The following KCNJ10 variants were observed in gnomAD, a reference collection of about 807,000 sequenced individuals.
The protein encoded by KCNJ10 is potassium inwardly rectifying channel subfamily J member 10, also known as ATP-sensitive inward rectifier potassium channel 10.
In KCNJ10, 9 loss-of-function variants were observed where a neutral mutation model predicts 22.2. The ratio of observed to expected loss-of-function variants is 0.40; its 90% CI spans 0.24 to 0.71. The LOEUF is 0.71. Among genes scored for constraint, KCNJ10 ranks in the 30% least tolerant of loss-of-function variants. KCNJ10 has a pLI of 0.35. For missense variants in KCNJ10, 337 were observed against 482.7 expected, an observed-to-expected ratio of 0.70 and a Z score of 2.83; for synonymous variants, 184 against 187.3, an observed-to-expected ratio of 0.98 and a Z score of 0.15.
intron 1 of KCNJ10, among the ~76,000 whole-genome samples, chr1:160,060,805 C>T (rs1011757209): frequency 1.3e-4 from 20 of 152,128 alleles, no homozygotes; most frequent in African/African-American, 3.9e-4. Flanking sequence ...TACAGATCCT[C>T]GTGCAGACGT....
Position 160,042,041 on chromosome 1 carries a change from G to T in KCNJ10, c.492C>A (p.Thr164=). ...TTILEIFITG[T]FLAKIARPKK... is the part of the protein sequence containing the mutation. ...TGGGCCGGGCAATCTTCGCCAGGAAGGTACCTGTGATGAAGATTTCCAGGA... is the reference window on the plus strand; with the variant it reads ...TGGGCCGGGCAATCTTCGCCAGGAATGTACCTGTGATGAAGATTTCCAGGA... The change falls in exon 2 of 2, where the codon ACC becomes ACA. Residue 164 remains threonine (T), a synonymous_variant. Coordinates refer to ENST00000644903, the MANE Select transcript of KCNJ10 (RefSeq NM_002241.5). The T allele has an allele frequency of 6.4e-7, 1 of 1,559,580 alleles. No homozygotes were observed. Among genetic ancestry groups the T allele is most frequent in the Non-Finnish European group, 8.7e-7 (1 of 1,152,042 alleles).
intron 1 of KCNJ10, among the ~76,000 whole-genome samples, chr1:160,058,865 ACT>A (rs1272928125): frequency 6.6e-6 from 1 of 151,738 alleles, no homozygotes; most frequent in Non-Finnish European, 1.5e-5. Context: ...TCCATGGAAC[ACT>A]CTTCCTTTCC....
In KCNJ10 at chr1:160,040,246, A is replaced by G. The variant is rs1034136728; in HGVS notation, c.*1147T>C. The stretch of plus-strand genomic sequence containing the variant: ...CCCAAACCTTAACAAAGCATCACCA[A>G]TTCTCAGAGGCTCTGTACAGCAGTT... On this transcript the variant is annotated 3_prime_UTR_variant, in exon 2 of 2. Transcript: ENST00000644903. 3.1e-6 allele frequency: 1 copy of G among 318,766 alleles called. No homozygotes were observed. The highest frequency in any genetic ancestry group is 5.7e-6 in the Non-Finnish European group (1 of 176,020). The allele number at this position is 318,766 out of a possible 1,614,324, so 19.7% of individuals were successfully genotyped here.
intron 1 of KCNJ10, among the ~76,000 whole-genome samples, chr1:160,053,831 A>G (rs1648960334): frequency 6.6e-6 from 1 of 152,178 alleles, no homozygotes; most frequent in Non-Finnish European, 1.5e-5. Context: ...AAAGCCTTCA[A>G]AGCATTTCCT....
chr1:160,055,073 C>T (rs952732968), intron 1 of KCNJ10, among the ~76,000 whole-genome samples: 4 of 152,198 alleles, frequency 2.6e-5, no homozygotes, highest in African/African-American at 9.7e-5. Context: ...GCCCCTTCCC[C>T]GACTCCAGCT....
At chr1:160,057,882 T>G (rs956882969) in intron 1 of KCNJ10, among the ~76,000 whole-genome samples, 1 of 151,822 alleles carries the variant, frequency 6.6e-6, no homozygotes, top group African/African-American at 2.4e-5. Flanking sequence ...TGGCTGGAAA[T>G]GAGGGGAGGC....
intron 1 of KCNJ10, among the ~76,000 whole-genome samples, chr1:160,046,829 G>C (rs771591673): frequency 6.6e-6 from 1 of 152,126 alleles, no homozygotes; most frequent in African/African-American, 2.4e-5. Context: ...CCACCACCCC[G>C]GGGCACCCCC....
intron 1 of KCNJ10, among the ~76,000 whole-genome samples, chr1:160,069,150 A>G (rs1228899748): frequency 6.6e-6 from 1 of 152,210 alleles, no homozygotes; most frequent in Non-Finnish European, 1.5e-5. Flanking sequence ...TTAAACTTCA[A>G]GACACCAGAA....
chr1:160,041,280 G>A lies in KCNJ10; in HGVS notation c.*113C>T. The stretch of plus-strand genomic sequence containing the variant: ...ACAGGCCACTGGGTTAAAGAAGAGG[G>A]AGTGGAGGATGGGTGCTTCGGGGGA... On this transcript the variant is annotated 3_prime_UTR_variant, in exon 2 of 2. Transcript: ENST00000644903. This position sits in a 1 kb window ranked among gnomAD's most constrained non-coding sequence, Gnocchi z 4.4. 9.3e-7 allele frequency: 1 copy of A among 1,078,086 alleles called. No homozygotes were observed. Among genetic ancestry groups the A allele is most frequent in the Non-Finnish European group, 1.4e-6 (1 of 726,562 alleles). 66.8% of individuals were successfully genotyped at this position (1,078,086 alleles called of 1,614,324 possible).
Position 160,042,546 on chromosome 1 carries a change from G to A in KCNJ10, c.1-14C>T. 4 of 1,612,640 alleles carry A rather than the reference G, an allele frequency of 2.5e-6. No individual in the cohort carries two copies. The highest frequency in any genetic ancestry group is 3.4e-6 in the Non-Finnish European group (4 of 1,179,252). On this transcript the variant is annotated splice_polypyrimidine_tract_variant and intron_variant, in intron 1 of 1. Coordinates refer to ENST00000644903, the MANE Select transcript of KCNJ10 (RefSeq NM_002241.5). ...AACTGACGTCATCTGGAGGGAGCAA[G>A]ACAGCATAATGGAGGTTATCGTAGA...
At chr1:160,046,012 G>A (rs759063137) in intron 1 of KCNJ10, among the ~76,000 whole-genome samples, 4 of 152,196 alleles carry the variant, frequency 2.6e-5, no homozygotes, top group Non-Finnish European at 5.9e-5. Flanking sequence ...AGCTTTGGAT[G>A]GGAGATTGAA....
At chr1:160,061,712 G>A (rs888493980) in intron 1 of KCNJ10, among the ~76,000 whole-genome samples, 8 of 145,538 alleles carry the variant, frequency 5.5e-5, no homozygotes, top group African/African-American at 2.0e-4. Context: ...GAGGGACATG[G>A]TGCTGAGATG....
Position 160,040,244 on chromosome 1 carries a change from C to T in KCNJ10, c.*1149G>A. On this transcript the variant is annotated 3_prime_UTR_variant, in exon 2 of 2. Coordinates refer to ENST00000644903, the MANE Select transcript of KCNJ10 (RefSeq NM_002241.5). ...TGCCCAAACCTTAACAAAGCATCAC[C>T]AATTCTCAGAGGCTCTGTACAGCAG... 3.2e-6 allele frequency: 1 copy of T among 315,082 alleles called. No homozygotes were observed. The highest frequency in any genetic ancestry group is 5.8e-6 in the Non-Finnish European group (1 of 173,690). 19.5% of individuals were successfully genotyped at this position (315,082 alleles called of 1,614,324 possible).
intron 1 of KCNJ10, among the ~76,000 whole-genome samples, chr1:160,055,056 C>T (rs761220591): frequency 6.6e-6 from 1 of 152,204 alleles, no homozygotes; most frequent in Admixed American, 6.5e-5. Flanking sequence ...TGTCTCATAA[C>T]CTCACAGCCC....
In KCNJ10 at chr1:160,039,937, C is replaced by G. The variant is rs923859096; in HGVS notation, c.*1456G>C. ...ATATGCCCTTCCCTGACCCTTACCACAGACCCCACCAGGGAACAAGGAATA... is the reference window on the plus strand; with the variant it reads ...ATATGCCCTTCCCTGACCCTTACCAGAGACCCCACCAGGGAACAAGGAATA... On this transcript the variant is annotated 3_prime_UTR_variant, in exon 2 of 2. Transcript: ENST00000644903. 3.3e-5 allele frequency: 5 copies of G among 152,246 alleles called. No homozygotes were observed. The highest frequency in any genetic ancestry group is 1.2e-4 in the African/African-American group (5 of 41,450). The allele number at this position is 152,246 out of a possible 1,614,324, so 9.4% of individuals were successfully genotyped here.
At position 160,049,491 on chromosome 1, in the gene KCNJ10, C is replaced by T. The variant is rs1047751813; in HGVS notation, c.1-6959G>A. Among the ~76,000 whole-genome samples, 11 of 151,556 alleles carry T rather than the reference C, an allele frequency of 7.3e-5. 1 individual carries two copies. The Middle Eastern group carries it at 0.01, about 141-fold the overall frequency. ...TCTTTCAGAGTCCAGTTCAAATAAC[C>T]CCTCTTCCATGAAGCCTTCTCTGAT... On this transcript the variant is annotated intron_variant, in intron 1 of 1. Transcript: ENST00000644903.
chr1:160,061,782 G>T, intron 1 of KCNJ10, among the ~76,000 whole-genome samples: 1 of 151,086 alleles, frequency 6.6e-6, no homozygotes, highest in Non-Finnish European at 1.5e-5. Flanking sequence ...GAGGGTGGGT[G>T]TGCAGGTGCA....
At position 160,041,819 on chromosome 1, in the gene KCNJ10, G is replaced by A; in HGVS notation, c.714C>T (p.Phe238=). The A allele has an allele frequency of 6.2e-7, 1 of 1,614,206 alleles. No homozygotes were observed. The highest frequency in any genetic ancestry group is 1.1e-5 in the South Asian group (1 of 91,084). ...GGCTGTCAGAGGCTGTGTCTACTTG[G>A]AAAGTCACATTGACCTGGTTGAGCC... ...NIRLNQVNVT[F]QVDTASDSPF... Residue 238 remains phenylalanine (F), a synonymous_variant, in exon 2 of 2, where the codon TTC becomes TTT. Coordinates refer to ENST00000644903, the MANE Select transcript of KCNJ10 (RefSeq NM_002241.5). The surrounding 1 kb of genome is among the most constrained non-coding windows in gnomAD (Gnocchi z 4.4).
chr1:160,058,864 C>T (rs988450847), intron 1 of KCNJ10, among the ~76,000 whole-genome samples: 1 of 152,186 alleles, frequency 6.6e-6, no homozygotes, highest in African/African-American at 2.4e-5. Flanking sequence ...TTCCATGGAA[C>T]ACTCTTCCTT....
Sources: allele counts gnomAD v4.1 joint callset (sites outside exome capture counted in the v4.1 genomes callset), GRCh38; gene constraint gnomAD v4.1.1; non-coding constraint Gnocchi (gnomAD v3.1); transcripts MANE v1.5; gene names NCBI Gene and HGNC (gene_info 2026-07-23, HGNC 2026-07-21).